Variants in ZFHX3 observed in about 807,000 individuals in gnomAD.
ZFHX3 encodes zinc finger homeobox 3.
Under a neutral mutation model 279.1 loss-of-function variants are expected in ZFHX3, and 42 were observed. The ratio of observed to expected loss-of-function variants is 0.15; its 90% CI spans 0.12 to 0.19. The LOEUF is 0.19. ZFHX3 is among the 10% of genes least tolerant of loss of function. The pLI, the probability that ZFHX3 is intolerant of heterozygous loss-of-function variation, is 1.00. For synonymous variants in ZFHX3, 2,293 were observed against 1,957.8 expected (o/e 1.17, Z -4.52); for missense variants, 4,981 against 4,754.0 (o/e 1.05, Z -1.40).
chr16:73,797,232 A>AACG (rs1960021222), intron 1 of ZFHX3, among the ~76,000 whole-genome samples: 1 of 152,006 alleles, frequency 6.6e-6, no homozygotes, highest in African/African-American at 2.4e-5. Flanking sequence ...CAACAACAAC[A>AACG]ACAAAACAGA....
At chr16:73,287,517 T>C (rs1298230553) in intron 4 of ZFHX3, among the ~76,000 whole-genome samples, 1 of 141,254 alleles carries the variant, frequency 7.1e-6, no homozygotes, top group South Asian at 2.4e-4. Flanking sequence ...GGGTGATGTG[T>C]GCATGTGTGG....
intron 3 of ZFHX3, among the ~76,000 whole-genome samples, chr16:72,918,525 T>C (rs566351814): frequency 6.6e-6 from 1 of 152,280 alleles, no homozygotes; most frequent in Admixed American, 6.5e-5. Context: ...AAGATGTCTC[T>C]TCTAGAAGAG....
chr16:73,448,068 G>A lies in ZFHX3; in HGVS notation c.-1291+7935C>T, dbSNP rs190151660. On this transcript the variant is annotated intron_variant, in intron 3 of 17. Coordinates refer to the ZFHX3 transcript ENST00000641206. ...TGCCAAATCAGCACATTTGGATGTT[G>A]GTTTTGACAGCCTTGCTGTGTGTTT... Among the ~76,000 whole-genome samples, 13 of 152,300 alleles carry A rather than the reference G, an allele frequency of 8.5e-5. No homozygotes were observed. The East Asian group carries it at 2.3e-3, about 27-fold the overall frequency.
intron 2 of ZFHX3, among the ~76,000 whole-genome samples, chr16:73,515,137 C>G (rs895696629): frequency 1.3e-5 from 2 of 152,164 alleles, no homozygotes; most frequent in Non-Finnish European, 2.9e-5. Flanking sequence ...AGACCCCTGT[C>G]CACACTTTTA....
rs116434401 is a variant in ZFHX3, at chr16:73,737,673, G to A, written c.-1607-57433C>T. 2.3e-3 allele frequency among the ~76,000 whole-genome samples: 345 copies of A among 151,408 alleles called. 1 individual carries two copies. The highest frequency in any genetic ancestry group is 7.5e-3 in the African/African-American group (308 of 41,138). On this transcript the variant is annotated intron_variant, in intron 1 of 17. Transcript: ENST00000641206. Reference sequence around the variant, plus strand: ...CATTTTAGTCATTTCAATTTACTTCGGGAAAAAGGAAAAAAAAAAAATCCC... The same window carrying A: ...CATTTTAGTCATTTCAATTTACTTCAGGAAAAAGGAAAAAAAAAAAATCCC...
At chr16:73,888,246 C>T (rs1238720548) in intron 1 of ZFHX3, among the ~76,000 whole-genome samples, 1 of 152,170 alleles carries the variant, frequency 6.6e-6, no homozygotes, top group Non-Finnish European at 1.5e-5. Context: ...AAATGTCATG[C>T]TAGCAGCGGT....
chr16:73,737,715 A>G (rs1288928784), intron 1 of ZFHX3, among the ~76,000 whole-genome samples: 1 of 151,910 alleles, frequency 6.6e-6, no homozygotes, highest in Non-Finnish European at 1.5e-5. Context: ...CTGACATTAT[A>G]TAGTAAAGTT....
At chr16:72,925,698 C>T (rs1335548831) in intron 3 of ZFHX3, among the ~76,000 whole-genome samples, 2 of 152,230 alleles carry the variant, frequency 1.3e-5, no homozygotes, top group African/African-American at 4.8e-5. Flanking sequence ...CAATCATCTA[C>T]AATAGTCCAG....
At chr16:73,036,175 G>C (rs950643562) in intron 1 of ZFHX3, among the ~76,000 whole-genome samples, 4 of 152,156 alleles carry the variant, frequency 2.6e-5, no homozygotes, top group African/African-American at 9.7e-5. Context: ...CTACAACTGG[G>C]GAGGGCTGCG....
At chr16:73,742,960 TA>T (rs2053672490) in intron 1 of ZFHX3, among the ~76,000 whole-genome samples, 1 of 152,194 alleles carries the variant, frequency 6.6e-6, no homozygotes, top group African/African-American at 2.4e-5. Flanking sequence ...AAATTTTTTT[TA>T]AACTACAATA....
At chr16:73,398,206 G>A (rs372582463) in intron 3 of ZFHX3, among the ~76,000 whole-genome samples, 3 of 152,134 alleles carry the variant, frequency 2.0e-5, no homozygotes, top group East Asian at 1.9e-4. Flanking sequence ...ATGGAGAGTC[G>A]GGGGTTCAGG....
chr16:73,490,330 T>A (rs116451414), intron 2 of ZFHX3, among the ~76,000 whole-genome samples: 97 of 152,338 alleles, frequency 6.4e-4, no homozygotes, highest in African/African-American at 2.0e-3. Flanking sequence ...CAAGGCAGGT[T>A]TGTGAACTTT....
intron 8 of ZFHX3, among the ~76,000 whole-genome samples, chr16:73,077,482 G>A (rs922869723): frequency 6.6e-6 from 1 of 151,296 alleles, no homozygotes; most frequent in African/African-American, 2.4e-5. Flanking sequence ...AAAATGAAGT[G>A]ACTCTCCCGT....
intron 1 of ZFHX3, among the ~76,000 whole-genome samples, chr16:73,783,045 A>G (rs1045048796): frequency 6.6e-6 from 1 of 152,034 alleles, no homozygotes; most frequent in Non-Finnish European, 1.5e-5. Flanking sequence ...CCAGAGAGAG[A>G]GGGGGGCACT....
chr16:73,860,128 C>A (rs1032765058), intron 1 of ZFHX3, among the ~76,000 whole-genome samples: 2 of 152,142 alleles, frequency 1.3e-5, no homozygotes, highest in African/African-American at 4.8e-5. Context: ...GAAGCGAGAC[C>A]ATCCTGACGT....
At chr16:73,309,915 T>C (rs1891152413) in intron 4 of ZFHX3, among the ~76,000 whole-genome samples, 1 of 69,138 alleles carries the variant, frequency 1.4e-5, no homozygotes, top group African/African-American at 6.5e-5. Flanking sequence ...CCTTTTTTTT[T>C]TTTTTTTTTT....
Position 72,787,312 on chromosome 16 carries a change from A to T in ZFHX3, c.10964T>A (p.Met3655Lys). 1 of 1,613,956 alleles carries T rather than the reference A, an allele frequency of 6.2e-7. No homozygotes were observed. The highest frequency in any genetic ancestry group is 8.5e-7 in the Non-Finnish European group (1 of 1,179,988). The change falls in exon 10 of 10, where the codon ATG becomes AAG. Residue 3655 changes from methionine to lysine, a missense_variant. By Grantham distance (95) the Met-to-Lys change is moderately conservative. Transcript: ENST00000268489. The stretch of plus-strand genomic sequence containing the variant: ...CTCCTCCGAATAGTCGTCTGTTGGC[A>T]TCGAGGGCTGAACCCCTGAGGTGCT... ...SCSTSGVQPS[M>K]PTDDYSEESD...
intron 8 of ZFHX3, among the ~76,000 whole-genome samples, chr16:73,070,400 A>G (rs903044931): frequency 1.3e-5 from 2 of 152,158 alleles, no homozygotes; most frequent in Non-Finnish European, 2.9e-5. Context: ...GCTTAGATTC[A>G]CATTTGTCCC....
intron 1 of ZFHX3, among the ~76,000 whole-genome samples, chr16:73,740,852 A>T (rs1050554487): frequency 6.6e-6 from 1 of 152,166 alleles, no homozygotes; most frequent in Admixed American, 6.5e-5. Context: ...TGAAAAGTCA[A>T]ATAATTGGGA....
Sources: gnomAD v4.1 joint callset for allele counts (sites outside exome capture counted in the v4.1 genomes callset) on GRCh38, gnomAD v4.1.1 for gene constraint, MANE v1.5 for transcripts, NCBI Gene and HGNC (gene_info 2026-07-23, HGNC 2026-07-21) for gene names.